The following EBF1 variants were observed in gnomAD, a reference collection of about 807,000 sequenced individuals.
The protein encoded by EBF1 is EBF transcription factor 1.
Under a neutral mutation model 68.4 loss-of-function variants are expected in EBF1, and 10 were observed. That is an observed-to-expected ratio of 0.15 (90% CI 0.09 to 0.25). The LOEUF is 0.25. Among genes scored for constraint, EBF1 ranks in the 10% least tolerant of loss-of-function variants. The probability of loss-of-function intolerance (pLI) is 1.00; values close to 1 mark genes in which losing one functional copy is unlikely to be tolerated. For missense variants in EBF1, 509 were observed against 794.4 expected, an observed-to-expected ratio of 0.64 and a Z score of 4.32; for synonymous variants, 298 against 299.8, an observed-to-expected ratio of 0.99 and a Z score of 0.06.
At chr5:158,775,783 GACACACACACACACACACACAC>G (rs58752245) in intron 10 of EBF1, among the ~76,000 whole-genome samples, 79 of 129,518 alleles carry the variant, frequency 6.1e-4, no homozygotes, top group Non-Finnish European at 8.5e-4. Context: ...CATGCACACA[GACACACACACACACACACACAC>G]ACACACACAC....
intron 6 of EBF1, among the ~76,000 whole-genome samples, chr5:158,962,699 C>G (rs909026689): frequency 6.6e-6 from 1 of 152,166 alleles, no homozygotes; most frequent in Non-Finnish European, 1.5e-5. Context: ...ACTTACAGTT[C>G]AGGGTGAAGA....
intron 6 of EBF1, among the ~76,000 whole-genome samples, chr5:158,925,533 C>G (rs1213016252): frequency 6.6e-6 from 1 of 152,196 alleles, no homozygotes; most frequent in Non-Finnish European, 1.5e-5. Context: ...AAAGGGCTCC[C>G]TCTTCTTCTC....
intron 8 of EBF1, among the ~76,000 whole-genome samples, chr5:158,816,489 G>A (rs1273504095): frequency 6.6e-6 from 1 of 152,258 alleles, no homozygotes; most frequent in Non-Finnish European, 1.5e-5. Flanking sequence ...ATGAGGAAGA[G>A]TGAAAGAAAT....
chr5:159,059,090 A>C (rs1216677868), intron 6 of EBF1, among the ~76,000 whole-genome samples: 1 of 152,226 alleles, frequency 6.6e-6, no homozygotes, highest in Non-Finnish European at 1.5e-5. Flanking sequence ...CTGTAGCCCA[A>C]CGGGTGTCCG....
At chr5:158,952,251 ATAAT>A (rs1583426545) in intron 6 of EBF1, among the ~76,000 whole-genome samples, 1 of 152,324 alleles carries the variant, frequency 6.6e-6, no homozygotes, top group South Asian at 2.1e-4. Context: ...GGGAAAGGCG[ATAAT>A]TAACCCATTT....
intron 6 of EBF1, among the ~76,000 whole-genome samples, chr5:158,966,694 G>C (rs1754223345): frequency 1.3e-5 from 2 of 152,072 alleles, no homozygotes; most frequent in Admixed American, 6.5e-5. Context: ...GTTCCTTTTT[G>C]AATTCTTACA....
rs866986176 is a variant in EBF1 at position 159,087,295 on chromosome 5, T to C, written c.412-2556A>G. Reference sequence around the variant, plus strand: ...ACACACACATATATATATATACACATATATATATACACACACACATATATA... The same window carrying C: ...ACACACACATATATATATATACACACATATATATACACACACACATATATA... On this transcript the variant is annotated intron_variant, in intron 4 of 15. Transcript: ENST00000313708. Among the ~76,000 whole-genome samples the C allele has an allele frequency of 6.6e-3, 910 of 138,512 alleles. 7 individuals carry two copies. The highest frequency in any genetic ancestry group is 0.024 in the African/African-American group (866 of 35,846). The allele number at this position is 138,512 out of a possible 152,430, so 90.9% of individuals were successfully genotyped here.
In EBF1 at chr5:158,919,738, T is replaced by A. The variant is rs376777360; in HGVS notation, c.555-79628A>T. Among the ~76,000 whole-genome samples the A allele has an allele frequency of 4.6e-5, 7 of 152,146 alleles. No individual in the cohort carries two copies. The East Asian group carries it at 9.6e-4, about 21-fold the overall frequency. ...GTAAAGTTGCATTTATTGATCAAAC[T>A]CCTACCAAATGCCAAGCACCATATG... On this transcript the variant is annotated intron_variant, in intron 6 of 15. Transcript: ENST00000313708.
intron 6 of EBF1, among the ~76,000 whole-genome samples, chr5:158,924,895 C>T (rs545923740): frequency 3.3e-5 from 5 of 150,394 alleles, no homozygotes; most frequent in African/African-American, 1.2e-4. Context: ...GAATCACGTG[C>T]CCATCCTTCC....
At chr5:158,925,553 C>T (rs1316027615) in intron 6 of EBF1, among the ~76,000 whole-genome samples, 1 of 152,212 alleles carries the variant, frequency 6.6e-6, no homozygotes, top group Non-Finnish European at 1.5e-5. Context: ...CTCCTTCCTC[C>T]TTCCACTGGC....
At chr5:159,067,752 C>T (rs1416173082) in intron 6 of EBF1, among the ~76,000 whole-genome samples, 1 of 152,136 alleles carries the variant, frequency 6.6e-6, no homozygotes, top group African/African-American at 2.4e-5. Context: ...CTAATAATCA[C>T]ATATGAATTC....
intron 6 of EBF1, among the ~76,000 whole-genome samples, chr5:158,990,819 G>C (rs766208081): frequency 6.6e-6 from 1 of 152,134 alleles, no homozygotes; most frequent in Admixed American, 6.5e-5. Context: ...GTGATCTGTC[G>C]AGGCTCTTTA....
intron 6 of EBF1, among the ~76,000 whole-genome samples, chr5:158,978,294 C>T (rs760585975): frequency 6.6e-6 from 1 of 152,262 alleles, no homozygotes; most frequent in Non-Finnish European, 1.5e-5. Context: ...AATCAATAGG[C>T]CCTGTCAGTC....
chr5:158,841,248 T>C (rs1432799382), intron 6 of EBF1, among the ~76,000 whole-genome samples: 1 of 152,220 alleles, frequency 6.6e-6, no homozygotes, highest in African/African-American at 2.4e-5. Flanking sequence ...CTGAGTTATT[T>C]CTTATGTAAC....
intron 10 of EBF1, among the ~76,000 whole-genome samples, chr5:158,767,963 G>A (rs1773101883): frequency 6.6e-6 from 1 of 152,052 alleles, no homozygotes; most frequent in African/African-American, 2.4e-5. Flanking sequence ...GCACGTGGTG[G>A]GTCCCGGGAA....
At chr5:159,062,420 AG>A (rs1665714739) in intron 6 of EBF1, among the ~76,000 whole-genome samples, 1 of 143,914 alleles carries the variant, frequency 6.9e-6, no homozygotes, top group East Asian at 2.3e-4. Flanking sequence ...GGTAACTTCA[AG>A]CCCCTTCTTT....
At chr5:158,742,725 C>A (rs1181507824) in intron 10 of EBF1, among the ~76,000 whole-genome samples, 1 of 152,114 alleles carries the variant, frequency 6.6e-6, no homozygotes, top group Non-Finnish European at 1.5e-5. Context: ...CTCCTTTATG[C>A]TAACTTGGAA....
chr5:158,867,303 G>C (rs1796096467), intron 6 of EBF1, among the ~76,000 whole-genome samples: 1 of 152,058 alleles, frequency 6.6e-6, no homozygotes, highest in South Asian at 2.1e-4. Flanking sequence ...TTACTTATTT[G>C]CTTCTAAACA....
chr5:158,824,638 T>C (rs1562037330), intron 7 of EBF1, among the ~76,000 whole-genome samples: 1 of 152,240 alleles, frequency 6.6e-6, no homozygotes, highest in Non-Finnish European at 1.5e-5. Context: ...CCTCAGTTTC[T>C]GAGGAAGCCT....
Sources: allele counts gnomAD v4.1 joint callset (sites outside exome capture counted in the v4.1 genomes callset), GRCh38; gene constraint gnomAD v4.1.1; transcripts MANE v1.5; gene names NCBI Gene and HGNC (gene_info 2026-07-23, HGNC 2026-07-21).